Variants in CARS1 observed in about 807,000 individuals in gnomAD.
The protein encoded by CARS1 is cysteine--tRNA ligase, cytoplasmic.
Under a neutral mutation model 106.2 loss-of-function variants are expected in CARS1, and 48 were observed. That is an observed-to-expected ratio of 0.45 (90% CI 0.36 to 0.57). The LOEUF is 0.57. CARS1 is among the 20% of genes least tolerant of loss of function. CARS1 has a pLI of 0.00. For synonymous variants in CARS1, 409 were observed against 403.4 expected, an observed-to-expected ratio of 1.01 and a Z score of -0.17; for missense variants, 968 against 1,057.2, an observed-to-expected ratio of 0.92 and a Z score of 1.17.
In CARS1 at chr11:3,006,933, C is replaced by T. The variant is rs142862521; in HGVS notation, c.2095G>A (p.Ala699Thr). 4.2e-5 allele frequency: 68 copies of T among 1,614,124 alleles called. No homozygotes were observed. The highest frequency in any genetic ancestry group is 3.6e-4 in the East Asian group (16 of 44,890). ...TCGGGCAGGATGTTGTCCCGCAGGGCATCGCTGAGCTGCAGAATCTCAGGG... is the reference window on the plus strand; with the variant it reads ...TCGGGCAGGATGTTGTCCCGCAGGGTATCGCTGAGCTGCAGAATCTCAGGG... ...KVPEILQLSD[A>T]LRDNILPELG... Residue 699 changes from alanine to threonine, a missense_variant, in exon 19 of 23, where the codon GCC becomes ACC. By Grantham distance (58) the Ala-to-Thr change is moderately conservative. Coordinates refer to ENST00000380525, the MANE Select transcript of CARS1 (RefSeq NM_001014437.3).
chr11:3,041,489 T>C lies in CARS1; in HGVS notation c.367-505A>G, dbSNP rs1456263435. On this transcript the variant is annotated intron_variant, in intron 3 of 22. Transcript: ENST00000380525. This position sits in a 1 kb window ranked among gnomAD's most constrained non-coding sequence, Gnocchi z 4.9. ...GGCCAGGACCCCTGAATCGTGGTGC[T>C]GCTCTGGCACCACTCCCCAACATCC... Among the ~76,000 whole-genome samples the C allele has an allele frequency of 6.6e-6, 1 of 152,086 alleles. No individual in the cohort carries two copies. Among genetic ancestry groups the C allele is most frequent in the East Asian group, 1.9e-4 (1 of 5,194 alleles).
At chr11:3,025,823 C>A (rs1265617843) in intron 10 of CARS1, among the ~76,000 whole-genome samples, 1 of 152,152 alleles carries the variant, frequency 6.6e-6, no homozygotes, top group African/African-American at 2.4e-5. Flanking sequence ...GCATTTGGAT[C>A]CAGATGGGCG....
rs781593181 is a variant in CARS1, at chr11:3,029,312, T to C, written c.933A>G (p.Glu311=). ...FWEGDFHRDM[E]ALNVLPPDVL... is the part of the protein sequence containing the mutation. ...CAATCGTGACACTTACATTCAGAGCTTCCATGTCTCTGTGGAAGTCCCCCT... is the reference window on the plus strand; with the variant it reads ...CAATCGTGACACTTACATTCAGAGCCTCCATGTCTCTGTGGAAGTCCCCCT... The change falls in exon 8 of 23, where the codon GAA becomes GAG. Residue 311 remains glutamate, a synonymous_variant. Coordinates refer to ENST00000380525, the MANE Select transcript of CARS1 (RefSeq NM_001014437.3). This position sits in a 1 kb window ranked among gnomAD's most constrained non-coding sequence, Gnocchi z 5.9. The C allele has an allele frequency of 2.5e-6, 4 of 1,613,952 alleles. No individual in the cohort carries two copies. In the African/African-American group the frequency reaches 4.0e-5, roughly 16 times the overall value.
chr11:3,035,391 G>A (rs750740133), intron 7 of CARS1, among the ~76,000 whole-genome samples: 3 of 152,212 alleles, frequency 2.0e-5, no homozygotes, highest in Non-Finnish European at 2.9e-5. Context: ...ATTGACTGAT[G>A]AAAGGGAAGA....
In CARS1 at chr11:3,052,829, G is replaced by T. The variant is rs577335508; in HGVS notation, c.25+4514C>A. 1.3e-5 allele frequency among the ~76,000 whole-genome samples: 2 copies of T among 152,230 alleles called. No homozygotes were observed. The highest frequency in any genetic ancestry group is 2.9e-5 in the Non-Finnish European group (2 of 68,038). On this transcript the variant is annotated intron_variant, in intron 1 of 22. Coordinates refer to ENST00000380525, the MANE Select transcript of CARS1 (RefSeq NM_001014437.3). This position sits in a 1 kb window ranked among gnomAD's most constrained non-coding sequence, Gnocchi z 4.6. ...TCAGTCTGATGCTGAGATCAGATGA[G>T]AACACTTCTGAGCAGACTGAAAACC...
chr11:3,005,143 T>C (rs1849737289), intron 20 of CARS1, among the ~76,000 whole-genome samples: 2 of 150,144 alleles, frequency 1.3e-5, no homozygotes, highest in Admixed American at 1.3e-4. Flanking sequence ...AGCTTCACAG[T>C]TTGCCAAAAG....
At position 3,019,230 on chromosome 11, in the gene CARS1, G is replaced by T. The variant is rs1232819509; in HGVS notation, c.1304C>A (p.Ala435Glu). Residue 435 changes from alanine to glutamate, a missense_variant, in exon 12 of 23, where the codon GCA becomes GAA. Ala to Glu is a moderately radical substitution (Grantham distance 107). Coordinates refer to ENST00000380525, the MANE Select transcript of CARS1 (RefSeq NM_001014437.3). The surrounding 1 kb of genome is among the most constrained non-coding windows in gnomAD (Gnocchi z 6.2). ...PGWHIECSAM[A>E]GTLLGASMDI... ...CATCGAAGCCCCTAGGAGGGTGCCT[G>T]CCATGGCCGAGCACTCGATATGCCA... The T allele has an allele frequency of 6.7e-7, 1 of 1,486,580 alleles. No homozygotes were observed. The highest frequency in any genetic ancestry group is 9.0e-7 in the Non-Finnish European group (1 of 1,115,000). The allele number at this position is 1,486,580 out of a possible 1,614,324, so 92.1% of individuals were successfully genotyped here.
chr11:3,056,475 ATGAG>A (rs2134336241), intron 1 of CARS1, among the ~76,000 whole-genome samples: 1 of 152,314 alleles, frequency 6.6e-6, no homozygotes, highest in East Asian at 1.9e-4. Context: ...CGCTGGTGAC[ATGAG>A]TGACTGGGGG....
At position 3,020,264 on chromosome 11, in the gene CARS1, C is replaced by A; in HGVS notation, c.1222G>T (p.Ala408Ser). The A allele has an allele frequency of 6.2e-7, 1 of 1,613,900 alleles. No homozygotes were observed. The highest frequency in any genetic ancestry group is 1.1e-5 in the South Asian group (1 of 91,090). ...RSPNDFALWK[A>S]SKPGEPSWPC... ...CAGGACGGTTCTCCGGGCTTAGAGG[C>A]CTTCCATAAGGCAAAGTCGTTGGGA... The change falls in exon 11 of 23, where the codon GCC becomes TCC. Residue 408 changes from alanine to serine, a missense_variant. Physicochemically the swap from Ala to Ser is moderately conservative, Grantham distance 99. Coordinates refer to ENST00000380525, the MANE Select transcript of CARS1 (RefSeq NM_001014437.3). This position sits in a 1 kb window ranked among gnomAD's most constrained non-coding sequence, Gnocchi z 4.6.
In CARS1 at chr11:3,022,150, A is replaced by G. The variant is rs1391006655; in HGVS notation, c.1154-1818T>C. Among the ~76,000 whole-genome samples, 1 of 152,180 alleles carries G rather than the reference A, an allele frequency of 6.6e-6. No individual in the cohort carries two copies. The highest frequency in any genetic ancestry group is 2.4e-5 in the African/African-American group (1 of 41,438). The stretch of plus-strand genomic sequence containing the variant: ...CGTCCATCCGCTTCCCTGCAGCTCT[A>G]ACTGAGAGTCACATAGCACGCTGAC... On this transcript the variant is annotated intron_variant, in intron 10 of 22. Coordinates refer to ENST00000380525, the MANE Select transcript of CARS1 (RefSeq NM_001014437.3). The surrounding 1 kb of genome is among the most constrained non-coding windows in gnomAD (Gnocchi z 4.9).
rs958359154 is a variant in CARS1, at chr11:3,017,703, T to C, written c.1727+154A>G. On this transcript the variant is annotated intron_variant, in intron 15 of 22. Transcript: ENST00000380525. The surrounding 1 kb of genome is among the most constrained non-coding windows in gnomAD (Gnocchi z 4.9). ...CTTCAACACCCAGAGCAGCTCCCAT[T>C]AGCAGAGCCGCCTATCCTGAATTAA... 4.2e-5 allele frequency: 26 copies of C among 612,158 alleles called. No individual in the cohort carries two copies. Among genetic ancestry groups the C allele is most frequent in the Middle Eastern group, 2.7e-4 (1 of 3,676 alleles). 37.9% of individuals were successfully genotyped at this position (612,158 alleles called of 1,614,324 possible).
At chr11:3,010,636 C>T (rs528574997) in intron 18 of CARS1, among the ~76,000 whole-genome samples, 154 of 152,362 alleles carry the variant, frequency 1.0e-3, no homozygotes, top group African/African-American at 3.3e-3. Context: ...CCCAGCAGCC[C>T]GGCCAGCCTC....
Position 3,041,183 on chromosome 11 carries a change from C to G in CARS1, c.367-199G>C, listed in dbSNP as rs1854400759. ...GTACGGCACCTCCCACCAACTGAGC[C>G]CTGGGTGGGTGGGGCCTCTTCCTCC... On this transcript the variant is annotated intron_variant, in intron 3 of 22. Transcript: ENST00000380525. The surrounding 1 kb of genome is among the most constrained non-coding windows in gnomAD (Gnocchi z 4.9). 1 of 690,614 alleles carries G rather than the reference C, an allele frequency of 1.4e-6. No homozygotes were observed. Among genetic ancestry groups the G allele is most frequent in the Non-Finnish European group, 2.3e-6 (1 of 432,608 alleles). The allele number at this position is 690,614 out of a possible 1,614,324, so 42.8% of individuals were successfully genotyped here.
At position 3,011,508 on chromosome 11, in the gene CARS1, G is replaced by T. The variant is rs573783503; in HGVS notation, c.2068+687C>A. 2.0e-5 allele frequency among the ~76,000 whole-genome samples: 3 copies of T among 152,264 alleles called. No individual in the cohort carries two copies. The South Asian group carries it at 6.2e-4, about 32-fold the overall frequency. The stretch of plus-strand genomic sequence containing the variant: ...AGGCGCCTGTAGTCCCAGCTACTCA[G>T]GAGGCTGAGGCAGAAGAATGGCGTG... On this transcript the variant is annotated intron_variant, in intron 18 of 22. Coordinates refer to ENST00000380525, the MANE Select transcript of CARS1 (RefSeq NM_001014437.3).
Position 3,050,367 on chromosome 11 carries a change from C to T in CARS1, c.26-2366G>A, listed in dbSNP as rs1233325350. ...AGGCACCCAGAAGCAAAGCTCTGGG[C>T]ACACTCCCTAGCCAAAACTGGAATC... On this transcript the variant is annotated intron_variant, in intron 1 of 22. Coordinates refer to ENST00000380525, the MANE Select transcript of CARS1 (RefSeq NM_001014437.3). This position sits in a 1 kb window ranked among gnomAD's most constrained non-coding sequence, Gnocchi z 6.3. Among the ~76,000 whole-genome samples, 2 of 152,188 alleles carry T rather than the reference C, an allele frequency of 1.3e-5. No homozygotes were observed. Among genetic ancestry groups the T allele is most frequent in the Admixed American group, 6.5e-5 (1 of 15,280 alleles).
In CARS1 at chr11:3,020,958, G is replaced by A. The variant is rs1049415267; in HGVS notation, c.1154-626C>T. 4.1e-4 allele frequency among the ~76,000 whole-genome samples: 62 copies of A among 152,204 alleles called. No individual in the cohort carries two copies. Among genetic ancestry groups the A allele is most frequent in the Non-Finnish European group, 7.5e-4 (51 of 68,040 alleles). ...AAGGCCATAAGAAAAGGGGAGTACT[G>A]CTCTTGGCACAAGTTCTATTTCCTG... On this transcript the variant is annotated intron_variant, in intron 10 of 22. Transcript: ENST00000380525. The surrounding 1 kb of genome is among the most constrained non-coding windows in gnomAD (Gnocchi z 4.6).
intron 2 of CARS1, 175 bp from the exon 3 acceptor site, chr11:3,042,431 T>G: frequency 7.0e-6 from 1 of 142,848 alleles, no homozygotes; most frequent in Non-Finnish European, 1.5e-5. Context: ...CAACTGCGTC[T>G]TTTTTTTTTT....
Position 3,039,802 on chromosome 11 carries a change from C to T in CARS1, c.552+33G>A. ...TATCTTCTTTTACACCATCCAATTGCATTTAAAATTTAATCTTACAAATTC... is the reference window on the plus strand; with the variant it reads ...TATCTTCTTTTACACCATCCAATTGTATTTAAAATTTAATCTTACAAATTC... On this transcript the variant is annotated intron_variant, in intron 5 of 22. Transcript: ENST00000380525. The surrounding 1 kb of genome is among the most constrained non-coding windows in gnomAD (Gnocchi z 5.6). The T allele has an allele frequency of 9.0e-7, 1 of 1,106,114 alleles. No individual in the cohort carries two copies. The highest frequency in any genetic ancestry group is 1.3e-6 in the Non-Finnish European group (1 of 750,458). The allele number at this position is 1,106,114 out of a possible 1,614,324, so 68.5% of individuals were successfully genotyped here. A position where few individuals can be genotyped will look rare whatever the true frequency, so the allele number is the denominator to read the frequency against.
chr11:3,034,898 TCAAGGGGC>T lies in CARS1; in HGVS notation c.801+3144_801+3151del, dbSNP rs998778330. Reference sequence around the variant, plus strand: ...ATTCTGTAGGCTGGAAAGTTCAAGGTCAAGGGGCCACATCTGTTCTGGGCCTTCTTGCT... The same window carrying T: ...ATTCTGTAGGCTGGAAAGTTCAAGGTCACATCTGTTCTGGGCCTTCTTGCT... On this transcript the variant is annotated intron_variant, in intron 7 of 22. Transcript: ENST00000380525. This position sits in a 1 kb window ranked among gnomAD's most constrained non-coding sequence, Gnocchi z 6.3. 1.3e-5 allele frequency among the ~76,000 whole-genome samples: 2 copies of T among 152,120 alleles called. No homozygotes were observed. The highest frequency in any genetic ancestry group is 2.4e-5 in the African/African-American group (1 of 41,400).
Sources: allele counts gnomAD v4.1 joint callset (sites outside exome capture counted in the v4.1 genomes callset), GRCh38; gene constraint gnomAD v4.1.1; non-coding constraint Gnocchi (gnomAD v3.1); transcripts MANE v1.5; gene names NCBI Gene and HGNC (gene_info 2026-07-23, HGNC 2026-07-21).